Variants in TIAM2 observed in about 807,000 individuals in gnomAD.
The protein encoded by TIAM2 is rho guanine nucleotide exchange factor TIAM2.
A neutral mutation model predicts 152.9 loss-of-function variants in TIAM2; 80 were observed. That is an observed-to-expected ratio of 0.52 (90% CI 0.44 to 0.63). The LOEUF (loss-of-function observed/expected upper bound fraction) is 0.63, where lower values mean the gene tolerates loss of function less well. Among genes scored for constraint, TIAM2 ranks in the 30% least tolerant of loss-of-function variants. The probability of loss-of-function intolerance (pLI) is 0.00; values close to 1 mark genes in which losing one functional copy is unlikely to be tolerated. For missense variants in TIAM2, 1,965 were observed against 2,120.1 expected (o/e 0.93, Z 1.44); for synonymous variants, 804 against 838.0 (o/e 0.96, Z 0.70).
intron 2 of TIAM2, among the ~76,000 whole-genome samples, chr6:155,118,760 G>A (rs1779078184): frequency 6.6e-6 from 1 of 151,808 alleles, no homozygotes; most frequent in Non-Finnish European, 1.5e-5. Flanking sequence ...TCATCTAATG[G>A]AATCCTACTC....
At chr6:155,118,482 G>C (rs1779069539) in intron 2 of TIAM2, among the ~76,000 whole-genome samples, 2 of 141,440 alleles carry the variant, frequency 1.4e-5, no homozygotes, top group Admixed American at 1.6e-4. Context: ...GCCCAGGATG[G>C]AGTGCAGTGG....
intron 1 of TIAM2, among the ~76,000 whole-genome samples, chr6:155,089,900 G>C (rs1357228518): frequency 1.3e-5 from 2 of 149,954 alleles, no homozygotes; most frequent in African/African-American, 4.8e-5. Context: ...GTCACAGTAG[G>C]CTTGCTCTGT....
chr6:155,205,364 G>T (rs1219783120), intron 14 of TIAM2, among the ~76,000 whole-genome samples: 1 of 152,014 alleles, frequency 6.6e-6, no homozygotes, highest in Non-Finnish European at 1.5e-5. Flanking sequence ...AACTGGGGAG[G>T]CACTCTCAGA....
intron 24 of TIAM2, 168 bp downstream of exon 24, chr6:155,253,221 G>C: frequency 1.8e-6 from 1 of 557,324 alleles, no homozygotes; most frequent in Admixed American, 3.1e-5. Context: ...AGACTTCTGG[G>C]AGAAACTAAA....
At chr6:155,096,785 T>C (rs1778426666) in intron 2 of TIAM2, among the ~76,000 whole-genome samples, 1 of 152,350 alleles carries the variant, frequency 6.6e-6, no homozygotes, top group East Asian at 1.9e-4. Flanking sequence ...ATATTTTGGC[T>C]TTTGTGAATA....
intron 1 of TIAM2, among the ~76,000 whole-genome samples, chr6:155,043,359 T>A (rs1247159451): frequency 6.6e-6 from 1 of 152,080 alleles, no homozygotes; most frequent in Non-Finnish European, 1.5e-5. Context: ...CCAGGTGCAG[T>A]GGCTCATGTC....
chr6:155,240,607 T>A lies in TIAM2; in HGVS notation c.3246T>A (p.Asn1082Lys). ...QANGMEGPRE[N>K]QDPPPRSLAR... ...ACGGCATGGAAGGACCGCGGGAGAA[T>A]CAGGATCCTCCTCCGAGGTCTCTGG... Residue 1082 changes from asparagine to lysine, a missense_variant, in exon 16 of 27, where the codon AAT becomes AAA. This residue lies in a region of TIAM2 where 935 missense variants were observed against 980.0 expected (regional missense o/e 0.95). Transcript: ENST00000682666. 3.7e-6 allele frequency: 6 copies of A among 1,614,144 alleles called. No individual in the cohort carries two copies. The highest frequency in any genetic ancestry group is 5.1e-6 in the Non-Finnish European group (6 of 1,180,038).
chr6:155,172,674 ATATATATATATATTTTTTTTTT>A (rs1382597534), intron 9 of TIAM2, among the ~76,000 whole-genome samples: 12 of 13,258 alleles, frequency 9.1e-4, no homozygotes, highest in African/African-American at 3.9e-3. Flanking sequence ...ATATATATAT[ATATATATATATATTTTTTTTTT>A]TTTTTTTTTT....
chr6:155,235,006 T>C (rs369058448), intron 15 of TIAM2, among the ~76,000 whole-genome samples: 17 of 117,716 alleles, frequency 1.4e-4, no homozygotes, highest in Non-Finnish European at 2.6e-4. Context: ...CAGCTAGAGA[T>C]GGAGCACAGC....
chr6:155,112,090 T>G (rs1258550306), intron 2 of TIAM2, among the ~76,000 whole-genome samples: 1 of 152,078 alleles, frequency 6.6e-6, no homozygotes, highest in East Asian at 1.9e-4. Context: ...CTTTTCCCAA[T>G]TGGCTTTAGG....
At chr6:155,075,030 C>T (rs866752003) in intron 1 of TIAM2, among the ~76,000 whole-genome samples, 4 of 151,604 alleles carry the variant, frequency 2.6e-5, no homozygotes, top group Non-Finnish European at 5.9e-5. Flanking sequence ...TGGGTGCAGC[C>T]GCGGCTCTGG....
chr6:155,242,911 TTTC>T (rs1410182592), intron 16 of TIAM2, among the ~76,000 whole-genome samples: 4 of 125,482 alleles, frequency 3.2e-5, no homozygotes, highest in East Asian at 3.9e-4. Flanking sequence ...ATTTTTTTTT[TTTC>T]TTTTTTTTAG....
intron 7 of TIAM2, among the ~76,000 whole-genome samples, chr6:155,162,063 T>C (rs1469784257): frequency 2.0e-5 from 3 of 152,110 alleles, no homozygotes; most frequent in African/African-American, 7.2e-5. Flanking sequence ...GTTCAAGAGA[T>C]CCTCCCACCT....
At chr6:155,069,895 G>T (rs1429483124) in intron 1 of TIAM2, among the ~76,000 whole-genome samples, 2 of 149,464 alleles carry the variant, frequency 1.3e-5, no homozygotes, top group Non-Finnish European at 3.0e-5. Flanking sequence ...GTGCTATCTG[G>T]ACAGACATTT....
At chr6:155,182,121 A>G in intron 12 of TIAM2, 105 bp from the exon 13 acceptor site, 1 of 901,886 alleles carries the variant, frequency 1.1e-6, no homozygotes, top group Admixed American at 2.0e-5. Context: ...TTCTCAACAT[A>G]CTGTACTTAT....
At chr6:155,073,645 C>T (rs1777892425) in intron 1 of TIAM2, among the ~76,000 whole-genome samples, 1 of 151,876 alleles carries the variant, frequency 6.6e-6, no homozygotes, top group African/African-American at 2.4e-5. Flanking sequence ...GGCTCCAGGC[C>T]ACACCCACCA....
Position 155,248,003 on chromosome 6 carries a change from A to C in TIAM2, c.3656A>C (p.Lys1219Thr), listed in dbSNP as rs756310693. 1 of 1,613,888 alleles carries C rather than the reference A, an allele frequency of 6.2e-7. No homozygotes were observed. Among genetic ancestry groups the C allele is most frequent in the South Asian group, 1.1e-5 (1 of 91,050 alleles). Residue 1219 changes from lysine to threonine, a missense_variant, in exon 20 of 27, where the codon AAA becomes ACA. Coordinates refer to ENST00000682666, the MANE Select transcript of TIAM2 (RefSeq NM_012454.4). ...TCTTTTATCCATCTGCTTGTAGCTAAAACTGACAAAGCCTTCAAGGCTTTT... is the reference window on the plus strand; with the variant it reads ...TCTTTTATCCATCTGCTTGTAGCTACAACTGACAAAGCCTTCAAGGCTTTT... ...IKVQKVLERA[K>T]TDKAFKAFLD...
intron 9 of TIAM2, among the ~76,000 whole-genome samples, chr6:155,166,319 C>T (rs1018139381): frequency 1.3e-5 from 2 of 149,988 alleles, no homozygotes; most frequent in Non-Finnish European, 1.5e-5. Flanking sequence ...TTCTTTTCTT[C>T]TCTTTTTTTT....
chr6:155,247,062 G>T (rs1783377338), intron 19 of TIAM2, among the ~76,000 whole-genome samples: 1 of 152,218 alleles, frequency 6.6e-6, no homozygotes, highest in Admixed American at 6.5e-5. Context: ...CTACTGCCAT[G>T]CCTGTTGGAA....
Sources: allele counts gnomAD v4.1 joint callset (sites outside exome capture counted in the v4.1 genomes callset), GRCh38; gene constraint gnomAD v4.1.1; regional missense constraint gnomAD v4.1.1; transcripts MANE v1.5; gene names NCBI Gene and HGNC (gene_info 2026-07-23, HGNC 2026-07-21).